Variants in ZC3H12B observed in about 807,000 individuals in gnomAD.
The protein encoded by ZC3H12B is probable ribonuclease ZC3H12B.
Under a neutral mutation model 43.9 loss-of-function variants are expected in ZC3H12B, and 7 were observed. The ratio of observed to expected loss-of-function variants is 0.16; its 90% CI spans 0.09 to 0.30. ZC3H12B has a LOEUF of 0.30. ZC3H12B is among the 10% of genes least tolerant of loss of function. ZC3H12B has a pLI of 1.00. For missense variants in ZC3H12B, 475 were observed against 670.2 expected, an observed-to-expected ratio of 0.71 and a Z score of 3.22; for synonymous variants, 222 against 241.7, an observed-to-expected ratio of 0.92 and a Z score of 0.76.
At chrX:65,165,464 G>A in the ZC3H12B span, among the ~76,000 whole-genome samples, 1 of 111,862 alleles carries the variant, frequency 8.9e-6, no homozygotes, top group Non-Finnish European at 1.9e-5. Flanking sequence ...GGTGTGGGAT[G>A]TTCCCTTCCC....
At chrX:65,469,567 G>A in intron 3 of ZC3H12B, 1 of 270,341 alleles carries the variant, frequency 3.7e-6, no homozygotes. Flanking sequence ...CTCGCCCATT[G>A]ATGACTTTGA....
the ZC3H12B span, among the ~76,000 whole-genome samples, chrX:65,251,829 T>C: frequency 9.0e-6 from 1 of 111,302 alleles, no homozygotes; most frequent in African/African-American, 3.3e-5. Context: ...CTTAAGGAAA[T>C]TTTGGGCTGA....
intron 2 of ZC3H12B, among the ~76,000 whole-genome samples, chrX:65,374,915 G>A (rs1366798577): frequency 1.8e-5 from 2 of 111,207 alleles, no homozygotes; most frequent in African/African-American, 6.5e-5. Context: ...TGCCCCCCAT[G>A]ATCCAATTAC....
chrX:65,238,068 A>G, the ZC3H12B span, among the ~76,000 whole-genome samples: 4 of 111,828 alleles, frequency 3.6e-5, no homozygotes, highest in Non-Finnish European at 5.6e-5. Context: ...TGTTAGCCTC[A>G]TAAAATGAGG....
At chrX:65,272,270 T>TAAAAAACAAACA in the ZC3H12B span, 3 of 78,124 alleles carry the variant, frequency 3.8e-5, no homozygotes, top group African/African-American at 2.4e-4. Flanking sequence ...CTAAATTTAG[T>TAAAAAACAAACA]AAAAAAAAAA....
chrX:65,330,972 C>G, the ZC3H12B span: 1 of 325,342 alleles, frequency 3.1e-6, no homozygotes, highest in South Asian at 3.3e-5. Flanking sequence ...CAGCCCCTCT[C>G]ATCTTTCCCT....
At chrX:65,183,423 TGGGAGGGGGTGAGG>T in the ZC3H12B span, among the ~76,000 whole-genome samples, 2 of 110,142 alleles carry the variant, frequency 1.8e-5, no homozygotes, top group African/African-American at 6.6e-5. Context: ...GGTTGGAGGG[TGGGAGGGGGTGAGG>T]ATCGAAAAAC....
the ZC3H12B span, among the ~76,000 whole-genome samples, chrX:65,213,161 A>G: frequency 1.8e-5 from 2 of 109,524 alleles, no homozygotes; most frequent in South Asian, 3.8e-4. Context: ...TATTAATGAT[A>G]TTATATATCT....
At chrX:65,162,390 A>G in the ZC3H12B span, among the ~76,000 whole-genome samples, 2 of 111,882 alleles carry the variant, frequency 1.8e-5, 1 homozygote, top group Non-Finnish European at 3.8e-5. Flanking sequence ...TCTCCCCATC[A>G]CTTTCAGTTA....
chrX:65,138,562 A>G, the ZC3H12B span, among the ~76,000 whole-genome samples: 1 of 111,781 alleles, frequency 8.9e-6, no homozygotes, highest in Non-Finnish European at 1.9e-5. Context: ...AAACTCTTTG[A>G]GATACTGATT....
chrX:65,246,660 G>T, the ZC3H12B span, among the ~76,000 whole-genome samples: 42 of 112,227 alleles, frequency 3.7e-4, no homozygotes, highest in African/African-American at 1.3e-3. Context: ...ATGGGGAAAA[G>T]ATTCCTTGTT....
chrX:65,252,163 C>G, the ZC3H12B span, among the ~76,000 whole-genome samples: 1 of 111,799 alleles, frequency 8.9e-6, no homozygotes, highest in East Asian at 2.8e-4. Context: ...TGAATTTTGT[C>G]AAAGGCCTTT....
At chrX:65,214,841 T>C in the ZC3H12B span, among the ~76,000 whole-genome samples, 1 of 111,497 alleles carries the variant, frequency 9.0e-6, no homozygotes, top group Admixed American at 9.6e-5. Context: ...CTGTGCAAAA[T>C]ATATATCTTA....
At chrX:65,396,580 C>CTT (rs371460867) in intron 2 of ZC3H12B, among the ~76,000 whole-genome samples, 12 of 100,052 alleles carry the variant, frequency 1.2e-4, no homozygotes, top group African/African-American at 4.3e-4. Context: ...TTGTTTTTGT[C>CTT]TTTTTTTTTT....
the ZC3H12B span, among the ~76,000 whole-genome samples, chrX:65,082,653 G>T: frequency 9.0e-6 from 1 of 111,141 alleles, no homozygotes; most frequent in Non-Finnish European, 1.9e-5. Context: ...CCTGGGAGCT[G>T]ATGGCTTCAC....
At chrX:65,074,423 A>G in the ZC3H12B span, among the ~76,000 whole-genome samples, 2 of 111,414 alleles carry the variant, frequency 1.8e-5, no homozygotes, top group African/African-American at 3.3e-5. Flanking sequence ...ACATTTGACA[A>G]TTTAGTCATA....
intron 3 of ZC3H12B, among the ~76,000 whole-genome samples, chrX:65,402,587 G>C (rs1298581914): frequency 1.8e-5 from 2 of 112,107 alleles, no homozygotes; most frequent in African/African-American, 6.5e-5. Context: ...AGGGATGCTT[G>C]TGTACCTCCA....
At chrX:65,376,610 G>A (rs759431596) in intron 2 of ZC3H12B, among the ~76,000 whole-genome samples, 4 of 111,711 alleles carry the variant, frequency 3.6e-5, no homozygotes, top group Non-Finnish European at 7.5e-5. Flanking sequence ...AGTAAGGAAA[G>A]AAAACAAGCG....
the ZC3H12B span, among the ~76,000 whole-genome samples, chrX:65,273,918 A>G: frequency 1.8e-5 from 2 of 112,620 alleles, no homozygotes; most frequent in Non-Finnish European, 3.7e-5. Context: ...CCTTGTATTC[A>G]TCTTCCTTAC....
Sources: allele counts gnomAD v4.1 joint callset (sites outside exome capture counted in the v4.1 genomes callset), GRCh38; gene constraint gnomAD v4.1.1; transcripts MANE v1.5; gene names NCBI Gene and HGNC (gene_info 2026-07-23, HGNC 2026-07-21).